The following DGKB variants were observed in gnomAD, a reference collection of about 807,000 sequenced individuals.
The protein encoded by DGKB is diacylglycerol kinase beta.
A neutral mutation model predicts 114.3 loss-of-function variants in DGKB; 67 were observed. That is an observed-to-expected ratio of 0.59 (90% CI 0.48 to 0.72). The LOEUF is 0.72. Among genes scored for constraint, DGKB ranks in the 30% least tolerant of loss-of-function variants. The pLI is 0.00. For synonymous variants in DGKB, 398 were observed against 323.1 expected (o/e 1.23, Z -2.49); for missense variants, 907 against 975.2 (o/e 0.93, Z 0.93).
intron 2 of DGKB, among the ~76,000 whole-genome samples, chr7:14,804,093 G>C (rs1033406132): frequency 1.3e-5 from 2 of 151,614 alleles, no homozygotes; most frequent in African/African-American, 4.9e-5. Flanking sequence ...GTGTGTGTGT[G>C]TGTGTTTAGT....
chr7:14,345,316 T>A lies in DGKB; in HGVS notation c.1911A>T (p.Glu637Asp). Reference protein sequence around the residue: ...TFSATCKKLHESVEIECDGVQ... With the variant: ...TFSATCKKLHDSVEIECDGVQ... ...TTTTTCTTACTTCTATTTCTACAGATTCATGTAGCTTCTTGCAGGTGGCTG... is the reference window on the plus strand; with the variant it reads ...TTTTTCTTACTTCTATTTCTACAGAATCATGTAGCTTCTTGCAGGTGGCTG... Residue 637 changes from glutamate to aspartate, a missense_variant, in exon 22 of 26, where the codon GAA becomes GAT. This residue lies in a region of DGKB where 814 missense variants were observed against 856.6 expected (regional missense o/e 0.95). Transcript: ENST00000402815. 4 of 1,539,028 alleles carry A rather than the reference T, an allele frequency of 2.6e-6. No individual in the cohort carries two copies. The highest frequency in any genetic ancestry group is 3.5e-6 in the Non-Finnish European group (4 of 1,138,702).
chr7:14,940,944 G>A (rs1785539144), intron 1 of DGKB, among the ~76,000 whole-genome samples: 1 of 151,998 alleles, frequency 6.6e-6, no homozygotes, highest in African/African-American at 2.4e-5. Context: ...TTATTAGACT[G>A]TCTCTCTCAA....
At position 14,673,069 on chromosome 7, in the gene DGKB, C is replaced by A. The variant is rs1372791284; in HGVS notation, c.1036-42G>T. 23 of 1,101,566 alleles carry A rather than the reference C, an allele frequency of 2.1e-5. No individual in the cohort carries two copies. In the Admixed American group the frequency reaches 4.6e-4, roughly 22 times the overall value. The allele number at this position is 1,101,566 out of a possible 1,614,324, so 68.2% of individuals were successfully genotyped here. A position where few individuals can be genotyped will look rare whatever the true frequency, so the allele number is the denominator to read the frequency against. ...GGGGATAGTATCAAATTCTACATGACAACGCCTAACATGGGGGAGATTATA... is the reference window on the plus strand; with the variant it reads ...GGGGATAGTATCAAATTCTACATGAAAACGCCTAACATGGGGGAGATTATA... On this transcript the variant is annotated intron_variant, in intron 12 of 25. Coordinates refer to ENST00000402815, the MANE Select transcript of DGKB (RefSeq NM_001350709.2).
At chr7:14,214,105 G>A (rs1788577194) in intron 23 of DGKB, among the ~76,000 whole-genome samples, 1 of 151,678 alleles carries the variant, frequency 6.6e-6, no homozygotes, top group South Asian at 2.1e-4. Context: ...TTCCTAACTG[G>A]TCTCCCCAAG....
chr7:14,472,223 T>A (rs1432408972), intron 21 of DGKB, among the ~76,000 whole-genome samples: 1 of 152,148 alleles, frequency 6.6e-6, no homozygotes, highest in East Asian at 1.9e-4. Context: ...AATTTCCACA[T>A]GTTGTGTGAG....
At chr7:14,280,926 T>A (rs1799846489) in intron 23 of DGKB, among the ~76,000 whole-genome samples, 1 of 151,122 alleles carries the variant, frequency 6.6e-6, no homozygotes, top group African/African-American at 2.4e-5. Flanking sequence ...AGAAAGACCA[T>A]CGAGACTAGG....
At chr7:14,620,871 C>T (rs563885091) in intron 15 of DGKB, among the ~76,000 whole-genome samples, 1 of 151,550 alleles carries the variant, frequency 6.6e-6, no homozygotes, top group African/African-American at 2.4e-5. Flanking sequence ...TAAATTTTGA[C>T]TTAAAATTTT....
At chr7:14,331,948 G>C (rs1296466093) in intron 23 of DGKB, among the ~76,000 whole-genome samples, 1 of 152,148 alleles carries the variant, frequency 6.6e-6, no homozygotes, top group Non-Finnish European at 1.5e-5. Flanking sequence ...AATAGGGTGA[G>C]ATGAGGATAT....
intron 1 of DGKB, among the ~76,000 whole-genome samples, chr7:14,860,037 A>C (rs562509079): frequency 1.3e-5 from 2 of 152,236 alleles, no homozygotes; most frequent in African/African-American, 4.8e-5. Flanking sequence ...TGTTGAAAAC[A>C]AAACGACAAA....
At chr7:14,827,286 T>C (rs564061894) in intron 2 of DGKB, among the ~76,000 whole-genome samples, 1 of 152,230 alleles carries the variant, frequency 6.6e-6, no homozygotes, top group African/African-American at 2.4e-5. Context: ...GATAAGGCAT[T>C]ACCCAGAATT....
intron 15 of DGKB, among the ~76,000 whole-genome samples, chr7:14,618,239 G>A (rs1440581022): frequency 6.6e-6 from 1 of 151,264 alleles, no homozygotes; most frequent in African/African-American, 2.4e-5. Context: ...ATGGGTGCAT[G>A]GTTTACAGTC....
chr7:14,199,720 G>A (rs1480117806), intron 23 of DGKB, among the ~76,000 whole-genome samples: 2 of 152,002 alleles, frequency 1.3e-5, no homozygotes, highest in Non-Finnish European at 2.9e-5. Context: ...CTATAATGAA[G>A]CTCTTAATTA....
intron 1 of DGKB, among the ~76,000 whole-genome samples, chr7:14,859,065 C>G (rs1001045393): frequency 1.3e-5 from 2 of 152,136 alleles, no homozygotes; most frequent in African/African-American, 2.4e-5. Flanking sequence ...GAAGTGGAAT[C>G]AAAGTCTGAC....
At chr7:14,211,532 T>TTTTA (rs1554289318) in intron 23 of DGKB, among the ~76,000 whole-genome samples, 13 of 12,708 alleles carry the variant, frequency 1.0e-3, no homozygotes, top group Non-Finnish European at 1.4e-3. Flanking sequence ...TGTTTTGTGA[T>TTTTA]TTTACTCTCA....
chr7:14,323,127 A>G (rs1407535139), intron 23 of DGKB, among the ~76,000 whole-genome samples: 1 of 152,200 alleles, frequency 6.6e-6, no homozygotes, highest in Non-Finnish European at 1.5e-5. Context: ...CCACTGGAAA[A>G]AGCTGCGTAC....
chr7:14,940,775 ATTTAT>A (rs1158715665), intron 1 of DGKB, among the ~76,000 whole-genome samples: 12 of 123,892 alleles, frequency 9.7e-5, no homozygotes, highest in South Asian at 2.3e-4. Context: ...TTCTTCCTTT[ATTTAT>A]TTATTTTTTA....
intron 23 of DGKB, among the ~76,000 whole-genome samples, chr7:14,249,856 C>T (rs1794977540): frequency 6.6e-6 from 1 of 151,526 alleles, no homozygotes; most frequent in Non-Finnish European, 1.5e-5. Flanking sequence ...TTATTATTTC[C>T]CTCCTTCTGC....
At chr7:14,360,607 A>C (rs960635420) in intron 21 of DGKB, among the ~76,000 whole-genome samples, 1 of 152,004 alleles carries the variant, frequency 6.6e-6, no homozygotes, top group African/African-American at 2.4e-5. Context: ...AATGATGGGC[A>C]ACTTTTTACA....
At chr7:14,923,998 AAAAAAAG>A (rs869131862) in intron 1 of DGKB, among the ~76,000 whole-genome samples, 1 of 150,620 alleles carries the variant, frequency 6.6e-6, no homozygotes. Context: ...AAAAAAAAAA[AAAAAAAG>A]CTTTGTCCTA....
Sources: allele counts gnomAD v4.1 joint callset (sites outside exome capture counted in the v4.1 genomes callset), GRCh38; gene constraint gnomAD v4.1.1; regional missense constraint gnomAD v4.1.1; transcripts MANE v1.5; gene names NCBI Gene and HGNC (gene_info 2026-07-23, HGNC 2026-07-21).